Variants in ABCB7 observed in about 807,000 individuals in gnomAD.
The protein encoded by ABCB7 is iron-sulfur clusters transporter ABCB7, mitochondrial.
ABCB7 carries 7 observed loss-of-function variants against 54.4 expected under a neutral mutation model. The ratio of observed to expected loss-of-function variants is 0.13; its 90% CI spans 0.07 to 0.24. The LOEUF (loss-of-function observed/expected upper bound fraction) is 0.24. ABCB7 is among the 10% of genes least tolerant of loss of function. The pLI is 1.00. For missense variants in ABCB7, 356 were observed against 570.4 expected (o/e 0.62, Z 3.83); for synonymous variants, 218 against 207.1 (o/e 1.05, Z -0.45).
chrX:75,068,885 G>T, intron 12 of ABCB7, 122 bp downstream of exon 12: 5 of 820,123 alleles, frequency 6.1e-6, no homozygotes, highest in Non-Finnish European at 8.9e-6. Flanking sequence ...AATTTCACTG[G>T]TAGGGTCTAA....
In ABCB7 at chrX:75,146,244, C is replaced by G. The variant is rs536020929; in HGVS notation, c.168+9861G>C. 1.2e-4 allele frequency among the ~76,000 whole-genome samples: 13 copies of G among 111,966 alleles called. No individual in the cohort carries two copies. The East Asian group carries it at 2.8e-3, about 24-fold the overall frequency. On this transcript the variant is annotated intron_variant, in intron 1 of 15. Transcript: ENST00000373394. ...GTCAGAATGGTCATACTGCCCAAAG[C>G]AATTTATAGATTCAATGCTACTCCT...
intron 1 of ABCB7, among the ~76,000 whole-genome samples, chrX:75,154,625 G>A (rs1346563233): frequency 9.0e-6 from 1 of 111,693 alleles, no homozygotes; most frequent in Non-Finnish European, 1.9e-5. Context: ...TGACTTGTGG[G>A]CCTTTGCACA....
At chrX:75,072,075 G>A (rs1455464381) in intron 8 of ABCB7, among the ~76,000 whole-genome samples, 1 of 111,285 alleles carries the variant, frequency 9.0e-6, no homozygotes, top group Non-Finnish European at 1.9e-5. Flanking sequence ...AAAATTCTGG[G>A]ATAGCAGGGA....
At chrX:75,145,824 G>A (rs1312903492) in intron 1 of ABCB7, among the ~76,000 whole-genome samples, 1 of 111,408 alleles carries the variant, frequency 9.0e-6, no homozygotes, top group Non-Finnish European at 1.9e-5. Context: ...GCATGATCCT[G>A]TATCTAGAAA....
chrX:75,154,363 T>A (rs1230256693), intron 1 of ABCB7, among the ~76,000 whole-genome samples: 1 of 112,122 alleles, frequency 8.9e-6, no homozygotes, highest in African/African-American at 3.2e-5. Flanking sequence ...AAATTTTATC[T>A]TAAGATATCT....
intron 4 of ABCB7, among the ~76,000 whole-genome samples, chrX:75,082,226 T>A (rs1012099477): frequency 9.0e-6 from 1 of 111,091 alleles, no homozygotes; most frequent in Admixed American, 9.5e-5. Flanking sequence ...ACGTTATGTA[T>A]AAGGGAAAAA....
At chrX:75,085,037 C>A (rs1019960925) in intron 4 of ABCB7, among the ~76,000 whole-genome samples, 1 of 112,195 alleles carries the variant, frequency 8.9e-6, no homozygotes, top group African/African-American at 3.2e-5. Flanking sequence ...AACAGCTTGG[C>A]AGTTTCTTAT....
chrX:75,061,665 G>C (rs1031889006), intron 14 of ABCB7, among the ~76,000 whole-genome samples: 4 of 111,873 alleles, frequency 3.6e-5, no homozygotes, highest in African/African-American at 1.3e-4. Context: ...ATTGACAAAT[G>C]CATCTGCCTA....
intron 1 of ABCB7, among the ~76,000 whole-genome samples, chrX:75,153,009 C>T (rs2082144096): frequency 9.0e-6 from 1 of 111,358 alleles, no homozygotes; most frequent in Non-Finnish European, 1.9e-5. Context: ...CTTTTCAGTT[C>T]CATGATCTAT....
At chrX:75,118,024 C>T (rs1232347902) in intron 1 of ABCB7, among the ~76,000 whole-genome samples, 1 of 112,412 alleles carries the variant, frequency 8.9e-6, no homozygotes, top group East Asian at 2.8e-4. Flanking sequence ...TGTAGTGAAT[C>T]TGTTATACTT....
rs758530677 is a variant in ABCB7 at position 75,053,478 on chromosome X, G to A, written c.2151C>T (p.Asn717=). 19 of 1,210,754 alleles carry A rather than the reference G, an allele frequency of 1.6e-5. No individual in the cohort carries two copies. Among genetic ancestry groups the A allele is most frequent in the Non-Finnish European group, 2.1e-5 (19 of 895,017 alleles). Residue 717 remains asparagine (N), a synonymous_variant, in exon 16 of 16, where the codon AAC becomes AAT. Transcript: ENST00000373394. The part of the protein sequence containing the change: ...TQSSRVQNHD[N]PKWEAKKENI... ...TTTCTTTCTTTGCTTCCCATTTGGG[G>A]TTATCATGGTTCTGCACACGGCTGC...
intron 3 of ABCB7, among the ~76,000 whole-genome samples, chrX:75,101,540 TAC>T (rs2081639891): frequency 9.0e-6 from 1 of 111,321 alleles, no homozygotes; most frequent in African/African-American, 3.3e-5. Context: ...TTTTATTTTA[TAC>T]ACACACATAT....
chrX:75,106,332 T>C (rs912166798), intron 3 of ABCB7, among the ~76,000 whole-genome samples: 1 of 111,657 alleles, frequency 9.0e-6, no homozygotes, highest in Admixed American at 9.5e-5. Flanking sequence ...AGAAGACATA[T>C]AAGCAGCCAA....
chrX:75,055,684 CTTT>C (rs1270838527), intron 15 of ABCB7, among the ~76,000 whole-genome samples: 1 of 108,594 alleles, frequency 9.2e-6, no homozygotes, highest in African/African-American at 3.3e-5. Context: ...GTCCTTTATA[CTTT>C]TTTTCCATCT....
At chrX:75,112,423 T>A (rs961810994) in intron 3 of ABCB7, among the ~76,000 whole-genome samples, 1 of 111,644 alleles carries the variant, frequency 9.0e-6, no homozygotes, top group African/African-American at 3.3e-5. Context: ...GTCTGTATAA[T>A]GATAATAATA....
intron 4 of ABCB7, among the ~76,000 whole-genome samples, chrX:75,094,019 C>T (rs779077385): frequency 1.4e-3 from 63 of 45,989 alleles, no homozygotes; most frequent in African/African-American, 5.1e-3. Context: ...CTGTTATATA[C>T]ATATATATAT....
intron 15 of ABCB7, 83 bp downstream of exon 15, chrX:75,060,140 T>C: frequency 1.2e-6 from 1 of 821,629 alleles, no homozygotes; most frequent in Non-Finnish European, 1.8e-6. Context: ...CCAAATAATG[T>C]AAGAAACAAT....
chrX:75,105,916 T>C (rs2081696131), intron 3 of ABCB7, among the ~76,000 whole-genome samples: 1 of 111,631 alleles, frequency 9.0e-6, no homozygotes, highest in African/African-American at 3.3e-5. Context: ...TAAATACTGC[T>C]GGGAAAATCA....
intron 4 of ABCB7, among the ~76,000 whole-genome samples, chrX:75,094,052 ATC>A (rs60451260): frequency 0.028 from 429 of 15,205 alleles, 3 homozygotes; most frequent in Non-Finnish European, 0.087. Context: ...ATATATATAT[ATC>A]TATCTTATTA....
Sources: allele counts gnomAD v4.1 joint callset (sites outside exome capture counted in the v4.1 genomes callset), GRCh38; gene constraint gnomAD v4.1.1; transcripts MANE v1.5; gene names NCBI Gene and HGNC (gene_info 2026-07-23, HGNC 2026-07-21).